Variants in PRKCH observed in about 807,000 individuals in gnomAD.
PRKCH encodes the protein protein kinase C eta type.
PRKCH carries 28 observed loss-of-function variants against 82.5 expected under a neutral mutation model. That is an observed-to-expected ratio of 0.34 (90% confidence interval 0.25 to 0.47). PRKCH has a LOEUF of 0.47. Ranked by LOEUF, PRKCH falls within the 20% of genes least tolerant of loss-of-function variation. The pLI is 1.00. For missense variants in PRKCH, 705 were observed against 881.8 expected, an observed-to-expected ratio of 0.80 and a Z score of 2.54; for synonymous variants, 322 against 327.4, an observed-to-expected ratio of 0.98 and a Z score of 0.18.
chr14:61,417,793 T>C lies in PRKCH; in HGVS notation c.428-25318T>C, dbSNP rs115547836. Among the ~76,000 whole-genome samples the C allele has an allele frequency of 5.5e-3, 834 of 152,304 alleles. 6 individuals are homozygous for C. Among genetic ancestry groups the C allele is most frequent in the African/African-American group, 0.018 (757 of 41,556 alleles). ...AGCCTGTAGTGTGATTGAATCTCTA[T>C]CTGACAAGGCTTAACAGTCTAAATG... On this transcript the variant is annotated intron_variant, in intron 2 of 13. Transcript: ENST00000332981.
chr14:61,348,428 T>C (rs758293780), intron 1 of PRKCH, among the ~76,000 whole-genome samples: 1 of 152,236 alleles, frequency 6.6e-6, no homozygotes, highest in Non-Finnish European at 1.5e-5. Flanking sequence ...CAAAGTTTGC[T>C]TGGGGAAACA....
chr14:61,445,841 G>A, intron 4 of PRKCH, 115 bp downstream of exon 4: 1 of 1,130,358 alleles, frequency 8.8e-7, no homozygotes, highest in South Asian at 1.3e-5. Flanking sequence ...ACTCTCTGTA[G>A]GTCAAAGGAA....
chr14:61,398,110 A>G (rs550770353), intron 2 of PRKCH, among the ~76,000 whole-genome samples: 28 of 152,340 alleles, frequency 1.8e-4, no homozygotes, highest in Admixed American at 7.8e-4. Context: ...AAAGCTGCCT[A>G]ATGTCAATCT....
At chr14:61,398,431 A>G (rs945550680) in intron 2 of PRKCH, among the ~76,000 whole-genome samples, 4 of 151,954 alleles carry the variant, frequency 2.6e-5, no homozygotes, top group Non-Finnish European at 4.4e-5. Context: ...GGACAAAAAG[A>G]TGTAGCTGGA....
intron 1 of PRKCH, among the ~76,000 whole-genome samples, chr14:61,315,094 T>C (rs938009316): frequency 4.6e-5 from 7 of 152,202 alleles, no homozygotes; most frequent in Non-Finnish European, 8.8e-5. Context: ...TTACATTTTC[T>C]GTTCTTTTTG....
chr14:61,478,581 G>T (rs1885830970), intron 9 of PRKCH, among the ~76,000 whole-genome samples: 1 of 152,082 alleles, frequency 6.6e-6, no homozygotes, highest in Non-Finnish European at 1.5e-5. Context: ...CTTAAAAATG[G>T]GTGTGTGTGC....
intron 10 of PRKCH, among the ~76,000 whole-genome samples, chr14:61,487,830 C>A (rs376429582): frequency 5.2e-4 from 73 of 141,550 alleles, no homozygotes; most frequent in Non-Finnish European, 5.4e-4. Context: ...CCTATCTCTA[C>A]AAAAAAAAAA....
At chr14:61,466,959 C>G (rs1885289515) in intron 9 of PRKCH, among the ~76,000 whole-genome samples, 1 of 152,180 alleles carries the variant, frequency 6.6e-6, no homozygotes. Context: ...GAAATAAATG[C>G]CATCGCTGCA....
At chr14:61,453,439 A>C in intron 7 of PRKCH, 86 bp downstream of exon 7, 3 of 1,441,558 alleles carry the variant, frequency 2.1e-6, no homozygotes, top group Non-Finnish European at 2.8e-6. Context: ...GGCCTCATCA[A>C]AGTTCCTAAT....
At chr14:61,209,895 G>A (rs1289016764) in intron 1 of PRKCH, among the ~76,000 whole-genome samples, 2 of 151,498 alleles carry the variant, frequency 1.3e-5, no homozygotes, top group Admixed American at 6.6e-5. Context: ...ACTTATAAAT[G>A]AGAACATGCA....
intron 1 of PRKCH, among the ~76,000 whole-genome samples, chr14:61,215,269 A>G (rs1398342633): frequency 6.6e-6 from 1 of 152,178 alleles, no homozygotes; most frequent in Non-Finnish European, 1.5e-5. Context: ...TTCATCATGT[A>G]GGTGGGTCTG....
At chr14:61,331,970 C>T (rs2045794570) in intron 1 of PRKCH, among the ~76,000 whole-genome samples, 1 of 152,174 alleles carries the variant, frequency 6.6e-6, no homozygotes, top group Admixed American at 6.5e-5. Context: ...AGCCTTAAGG[C>T]AATACATTTC....
chr14:61,300,880 G>A (rs1382096637), intron 1 of PRKCH, among the ~76,000 whole-genome samples: 1 of 152,156 alleles, frequency 6.6e-6, no homozygotes, highest in Non-Finnish European at 1.5e-5. Context: ...GCACTGGCAA[G>A]GTAGAAAATC....
At chr14:61,344,088 C>T (rs148105540) in intron 1 of PRKCH, among the ~76,000 whole-genome samples, 20 of 152,216 alleles carry the variant, frequency 1.3e-4, no homozygotes, top group Admixed American at 4.6e-4. Flanking sequence ...ACACAGCTTG[C>T]TTGTGTGCTT....
intron 1 of PRKCH, among the ~76,000 whole-genome samples, chr14:61,378,770 A>G (rs1329108827): frequency 6.6e-6 from 1 of 151,550 alleles, no homozygotes; most frequent in East Asian, 1.9e-4. Flanking sequence ...TTTCACCTCC[A>G]CCCTACCTGC....
chr14:61,417,598 A>G (rs889000980), intron 2 of PRKCH, among the ~76,000 whole-genome samples: 1 of 152,352 alleles, frequency 6.6e-6, no homozygotes, highest in Non-Finnish European at 1.5e-5. Flanking sequence ...ATGAAAGTAT[A>G]TCGGCACTTG....
At chr14:61,469,027 A>G (rs937789345) in intron 9 of PRKCH, among the ~76,000 whole-genome samples, 3 of 152,226 alleles carry the variant, frequency 2.0e-5, no homozygotes, top group Admixed American at 2.0e-4. Context: ...GTGTTCTGCC[A>G]GGTGGTTTAG....
At chr14:61,318,262 C>T (rs1015349219), upstream of PRKCH, among the ~76,000 whole-genome samples, 4 of 152,058 alleles carry the variant, frequency 2.6e-5, no homozygotes, top group South Asian at 2.1e-4. Flanking sequence ...TTTGTAGAAA[C>T]GAGTCCTCAC....
intron 2 of PRKCH, among the ~76,000 whole-genome samples, chr14:61,394,830 T>C (rs1234323582): frequency 6.6e-6 from 1 of 152,220 alleles, no homozygotes. Context: ...TTATCTTTGG[T>C]AATTCCATCT....
Sources: allele counts gnomAD v4.1 joint callset (sites outside exome capture counted in the v4.1 genomes callset), GRCh38; gene constraint gnomAD v4.1.1; transcripts MANE v1.5; gene names NCBI Gene and HGNC (gene_info 2026-07-23, HGNC 2026-07-21).